The following LSAMP variants were observed in gnomAD, a reference collection of about 807,000 sequenced individuals.
The protein encoded by LSAMP is limbic system associated membrane protein, also known as limbic system-associated membrane protein.
LSAMP carries 7 observed loss-of-function variants against 38.6 expected under a neutral mutation model. That is an observed-to-expected ratio of 0.18 (90% CI 0.10 to 0.34). LSAMP has a LOEUF of 0.34. Among genes scored for constraint, LSAMP ranks in the 10% least tolerant of loss-of-function variants. The pLI, the probability that LSAMP is intolerant of heterozygous loss-of-function variation, is 1.00. For missense variants in LSAMP, 313 were observed against 420.0 expected (o/e 0.75, Z 2.23); for synonymous variants, 154 against 166.8 (o/e 0.92, Z 0.59).
intron 1 of LSAMP, among the ~76,000 whole-genome samples, chr3:116,421,954 T>C (rs981127580): frequency 1.3e-4 from 20 of 152,198 alleles, no homozygotes; most frequent in African/African-American, 4.8e-4. Context: ...TGAAAATATA[T>C]GTTCCCTCAA....
At chr3:116,222,720 CTTTTTTTTTTTTTTTTTTTTT>C (rs71141863) in intron 1 of LSAMP, among the ~76,000 whole-genome samples, 17 of 49,930 alleles carry the variant, frequency 3.4e-4, no homozygotes, top group South Asian at 2.9e-3. Context: ...TCATCCTCTC[CTTTTTTTTTTTTTTTTTTTTT>C]TTTTTTTTTT....
chr3:115,813,694 C>T (rs1299970370), intron 6 of LSAMP, among the ~76,000 whole-genome samples: 1 of 152,138 alleles, frequency 6.6e-6, no homozygotes, highest in Non-Finnish European at 1.5e-5. Context: ...GAAATCATCA[C>T]AAGTGTGTAT....
intron 1 of LSAMP, among the ~76,000 whole-genome samples, chr3:116,358,928 G>C (rs2048264270): frequency 6.6e-6 from 1 of 152,146 alleles, no homozygotes; most frequent in Non-Finnish European, 1.5e-5. Flanking sequence ...ATAGTTATTT[G>C]CAGTTATAAA....
At chr3:116,130,939 C>T (rs1444072679) in intron 1 of LSAMP, among the ~76,000 whole-genome samples, 2 of 149,126 alleles carry the variant, frequency 1.3e-5, no homozygotes, top group Admixed American at 1.3e-4. Flanking sequence ...TTTAGTCATT[C>T]AAAATTCATT....
intron 1 of LSAMP, among the ~76,000 whole-genome samples, chr3:116,221,486 G>A (rs984035056): frequency 1.3e-5 from 2 of 152,146 alleles, no homozygotes; most frequent in Admixed American, 1.3e-4. Flanking sequence ...CCACTTGTAT[G>A]AGCCTCCACT....
chr3:115,967,582 T>C (rs72957737), intron 3 of LSAMP, among the ~76,000 whole-genome samples: 37,232 of 152,088 alleles, frequency 0.24, 5,228 homozygotes, highest in African/African-American at 0.4. Context: ...TCCATTTTCA[T>C]ACTGCTGATA....
intron 1 of LSAMP, among the ~76,000 whole-genome samples, chr3:116,284,068 T>TATAA (rs2047163503): frequency 6.6e-6 from 1 of 152,168 alleles, no homozygotes; most frequent in Non-Finnish European, 1.5e-5. Flanking sequence ...TATAAGTTTG[T>TATAA]GATTGTTTTA....
At chr3:115,846,795 T>C (rs1038171324) in intron 4 of LSAMP, among the ~76,000 whole-genome samples, 10 of 152,110 alleles carry the variant, frequency 6.6e-5, no homozygotes, top group Admixed American at 6.5e-4. Context: ...TGCTGGTAGA[T>C]GGAAAGGTAA....
intron 2 of LSAMP, among the ~76,000 whole-genome samples, chr3:116,054,232 A>G (rs1436686492): frequency 6.6e-6 from 1 of 152,186 alleles, no homozygotes; most frequent in Non-Finnish European, 1.5e-5. Context: ...TGTTTTTGTC[A>G]TCACTTCTCC....
intron 2 of LSAMP, among the ~76,000 whole-genome samples, chr3:116,077,810 T>C (rs1021318653): frequency 1.3e-5 from 2 of 152,242 alleles, no homozygotes; most frequent in African/African-American, 4.8e-5. Context: ...TTCTTCAGTC[T>C]CTCTTGACTT....
intron 1 of LSAMP, among the ~76,000 whole-genome samples, chr3:116,385,131 A>G (rs2048608080): frequency 6.6e-6 from 1 of 152,014 alleles, no homozygotes; most frequent in Non-Finnish European, 1.5e-5. Flanking sequence ...CCAAAGAGAA[A>G]GAAGGCGAAA....
At chr3:116,191,168 A>G (rs1553712025) in intron 1 of LSAMP, among the ~76,000 whole-genome samples, 1 of 152,164 alleles carries the variant, frequency 6.6e-6, no homozygotes, top group Non-Finnish European at 1.5e-5. Flanking sequence ...GCTTGCAGTG[A>G]GCCAAGATTG....
chr3:116,442,884 T>C (rs1008599780), intron 1 of LSAMP, among the ~76,000 whole-genome samples: 1 of 152,218 alleles, frequency 6.6e-6, no homozygotes, highest in African/African-American at 2.4e-5. Context: ...ATATGTATCA[T>C]CCATAGATAT....
intron 1 of LSAMP, among the ~76,000 whole-genome samples, chr3:116,266,376 G>A (rs1443447539): frequency 1.3e-5 from 2 of 152,084 alleles, no homozygotes; most frequent in South Asian, 2.1e-4. Flanking sequence ...TTATTATGCT[G>A]CTTGCAAGCC....
At chr3:116,261,222 C>A (rs531221268) in intron 1 of LSAMP, among the ~76,000 whole-genome samples, 2 of 152,154 alleles carry the variant, frequency 1.3e-5, no homozygotes, top group East Asian at 3.9e-4. Flanking sequence ...CCTCATGCAC[C>A]CTAAAGTTCT....
intron 1 of LSAMP, among the ~76,000 whole-genome samples, chr3:116,256,984 C>T (rs574935912): frequency 2.0e-5 from 3 of 152,198 alleles, no homozygotes; most frequent in South Asian, 2.1e-4. Context: ...TGCTATGCTT[C>T]GACTATCTGC....
intron 1 of LSAMP, among the ~76,000 whole-genome samples, chr3:116,368,942 G>A (rs959121143): frequency 6.6e-6 from 1 of 152,118 alleles, no homozygotes; most frequent in African/African-American, 2.4e-5. Context: ...TTTATTTTTG[G>A]TAAATAGAAA....
At chr3:116,344,607 C>T (rs1033914310) in intron 1 of LSAMP, among the ~76,000 whole-genome samples, 7 of 152,094 alleles carry the variant, frequency 4.6e-5, no homozygotes, top group Non-Finnish European at 1.0e-4. Context: ...CTGGTGCCAA[C>T]ACGTAAAAAT....
chr3:116,423,403 A>G (rs2049156189), intron 1 of LSAMP, among the ~76,000 whole-genome samples: 1 of 152,156 alleles, frequency 6.6e-6, no homozygotes, highest in African/African-American at 2.4e-5. Context: ...TGTTTTCTCT[A>G]GAGTCTAGAT....
Sources: gnomAD v4.1 joint callset for allele counts (sites outside exome capture counted in the v4.1 genomes callset) on GRCh38, gnomAD v4.1.1 for gene constraint, MANE v1.5 for transcripts, NCBI Gene and HGNC (gene_info 2026-07-23, HGNC 2026-07-21) for gene names.